MAGT1: variants seen among roughly 807,000 people sequenced by gnomAD.
MAGT1 encodes dolichyl-diphosphooligosaccharide--protein glycosyltransferase subunit MAGT1.
In MAGT1, 4 loss-of-function variants were observed where a neutral mutation model predicts 28.4. That is an observed-to-expected ratio of 0.14 (90% confidence interval 0.07 to 0.32). The LOEUF (loss-of-function observed/expected upper bound fraction) is 0.32. Among genes scored for constraint, MAGT1 ranks in the 10% least tolerant of loss-of-function variants. The pLI, the probability that MAGT1 is intolerant of heterozygous loss-of-function variation, is 1.00. For missense variants in MAGT1, 193 were observed against 264.5 expected (o/e 0.73, Z 1.88); for synonymous variants, 89 against 89.7 (o/e 0.99, Z 0.04).
chrX:77,838,253 C>A (rs930301344), intron 8 of MAGT1, among the ~76,000 whole-genome samples: 1 of 109,256 alleles, frequency 9.2e-6, no homozygotes, highest in African/African-American at 3.3e-5. Flanking sequence ...ACAGGAGATA[C>A]AGACCAACCT....
At chrX:77,855,334 AAAG>A (rs1313455579) in intron 6 of MAGT1, among the ~76,000 whole-genome samples, 164 bp downstream of exon 6, 2 of 111,756 alleles carry the variant, frequency 1.8e-5, no homozygotes, top group African/African-American at 6.5e-5. Context: ...AGAAAAAAAA[AAAG>A]AGCACTGCAT....
intron 1 of MAGT1, among the ~76,000 whole-genome samples, chrX:77,878,979 G>C (rs1380891813): frequency 9.0e-6 from 1 of 111,101 alleles, no homozygotes; most frequent in Non-Finnish European, 1.9e-5. Flanking sequence ...AGAGAAGCAT[G>C]GTTAGTCGAC....
At chrX:77,862,482 C>CA (rs1557216535) in intron 3 of MAGT1, among the ~76,000 whole-genome samples, 1 of 109,524 alleles carries the variant, frequency 9.1e-6, no homozygotes, top group African/African-American at 3.3e-5. Flanking sequence ...CCAGAATATA[C>CA]AAAAAATTCA....
chrX:77,895,414 C>T lies in MAGT1; in HGVS notation c.-4G>A, dbSNP rs782787445. 8.3e-7 allele frequency: 1 copy of T among 1,210,836 alleles called. No homozygotes were observed. Among genetic ancestry groups the T allele is most frequent in the East Asian group, 3.0e-5 (1 of 33,817 alleles). Reference sequence around the variant, plus strand: ...AAAACCGCCAACGCGCTGCCATGTTCGCTCCTCTCCCTTCTATAAGTGAAA... The same window carrying T: ...AAAACCGCCAACGCGCTGCCATGTTTGCTCCTCTCCCTTCTATAAGTGAAA... On this transcript the variant is annotated 5_prime_UTR_variant, in exon 1 of 10. Transcript: ENST00000618282.
At chrX:77,857,535 G>A in intron 3 of MAGT1, 38 bp from the exon 4 acceptor site, 1 of 1,193,456 alleles carries the variant, frequency 8.4e-7, no homozygotes, top group Non-Finnish European at 1.1e-6. Flanking sequence ...ACATTATCAG[G>A]AAAATAATCT....
At chrX:77,878,486 G>GAAA (rs2077042411) in intron 1 of MAGT1, among the ~76,000 whole-genome samples, 1 of 65,816 alleles carries the variant, frequency 1.5e-5, no homozygotes, top group Non-Finnish European at 3.1e-5. Context: ...AAAAAAAAAA[G>GAAA]AAAAAAAGAA....
At position 77,856,804 on chromosome X, in the gene MAGT1, C is replaced by T; in HGVS notation, c.601G>A (p.Gly201Arg). The change falls in exon 5 of 10, where the codon GGA becomes AGA. Residue 201 changes from glycine to arginine, a missense_variant. Physicochemically the swap from Gly to Arg is moderately radical, Grantham distance 125 (BLOSUM62 -2). Coordinates refer to ENST00000618282, the MANE Select transcript of MAGT1 (RefSeq NM_001367916.1). Reference sequence around the variant, plus strand: ...TTACTTCTTCGAAGATACACAAGTCCACCAATAACAGCCAAAAGCAATCCC... The same window carrying T: ...TTACTTCTTCGAAGATACACAAGTCTACCAATAACAGCCAAAAGCAATCCC... Reference protein sequence around the residue: ...MLGLLLAVIGGLVYLRRSNME... With the variant: ...MLGLLLAVIGRLVYLRRSNME... 8.3e-7 allele frequency: 1 copy of T among 1,205,293 alleles called. No homozygotes were observed. Among genetic ancestry groups the T allele is most frequent in the Non-Finnish European group, 1.1e-6 (1 of 890,069 alleles).
chrX:77,871,328 A>T (rs782641723), intron 2 of MAGT1, among the ~76,000 whole-genome samples: 1 of 112,904 alleles, frequency 8.9e-6, no homozygotes, highest in African/African-American at 3.2e-5. Context: ...ATACAATATT[A>T]ATTCATTTTT....
At chrX:77,856,915 T>G in intron 4 of MAGT1, 42 bp from the exon 5 acceptor site, 1 of 1,105,006 alleles carries the variant, frequency 9.0e-7, no homozygotes, top group Non-Finnish European at 1.2e-6. Context: ...TATAAAATTT[T>G]TTTACTAATT....
chrX:77,892,017 G>C (rs1284426549), intron 1 of MAGT1, among the ~76,000 whole-genome samples: 1 of 108,105 alleles, frequency 9.3e-6, no homozygotes, highest in Non-Finnish European at 1.9e-5. Context: ...TCAGACTCCT[G>C]AGTAGCTGGG....
At chrX:77,874,506 G>A (rs1169818703) in intron 2 of MAGT1, among the ~76,000 whole-genome samples, 1 of 104,483 alleles carries the variant, frequency 9.6e-6, no homozygotes, top group Non-Finnish European at 2.0e-5. Flanking sequence ...TGAGGCAGAA[G>A]AATCACTTGA....
rs781848524 is a variant in MAGT1 at position 77,856,885 on chromosome X, G to C, written c.532-12C>G. The C allele has an allele frequency of 4.2e-4, 501 of 1,189,459 alleles. 1 individual carries two copies. Among genetic ancestry groups the C allele is most frequent in the Non-Finnish European group, 5.5e-4 (481 of 880,537 alleles). On this transcript the variant is annotated splice_polypyrimidine_tract_variant and intron_variant, in intron 4 of 9. Transcript: ENST00000618282. ...CTAATCACTCTAATCTAATGGAAAG[G>C]AGAGAAAAACATGTTAAAGTATAAA...
chrX:77,836,823 G>A (rs1557213959), intron 8 of MAGT1, among the ~76,000 whole-genome samples: 2 of 111,124 alleles, frequency 1.8e-5, no homozygotes, highest in East Asian at 2.8e-4. Context: ...CTGAGCCAGG[G>A]AGGTCAAGGC....
chrX:77,850,483 AAG>A (rs1569547966), intron 7 of MAGT1, among the ~76,000 whole-genome samples: 7 of 21,437 alleles, frequency 3.3e-4, no homozygotes, highest in South Asian at 9.9e-3. Flanking sequence ...TCAAAAAAAA[AAG>A]GGGGGGGGGG....
At chrX:77,849,895 CA>C (rs1247445316) in intron 7 of MAGT1, among the ~76,000 whole-genome samples, 1,402 of 50,775 alleles carry the variant, frequency 0.028, 13 homozygotes, top group African/African-American at 0.048. Flanking sequence ...AACAAAAAAC[CA>C]AAAAAAAAAA....
chrX:77,830,749 C>G lies in MAGT1; in HGVS notation c.992+56G>C, dbSNP rs1603358559. The G allele has an allele frequency of 6.1e-6, 4 of 653,807 alleles. No individual in the cohort carries two copies. In the East Asian group the frequency reaches 1.5e-4, roughly 25 times the overall value. The allele number at this position is 653,807 out of a possible 1,213,427, so 53.9% of individuals were successfully genotyped here. A position where few individuals can be genotyped will look rare whatever the true frequency, so the allele number is the denominator to read the frequency against. On this transcript the variant is annotated intron_variant, in intron 9 of 9. Coordinates refer to ENST00000618282, the MANE Select transcript of MAGT1 (RefSeq NM_001367916.1). Reference sequence around the variant, plus strand: ...GAAGGATATTATAAAGCAATATCAACTCTAATCATTCCAGGTATTGGTAAT... The same window carrying G: ...GAAGGATATTATAAAGCAATATCAAGTCTAATCATTCCAGGTATTGGTAAT...
rs1557217731 is a variant in MAGT1, at chrX:77,875,632, C to G, written c.103-35G>C. On this transcript the variant is annotated intron_variant, in intron 1 of 9. Coordinates refer to ENST00000618282, the MANE Select transcript of MAGT1 (RefSeq NM_001367916.1). ...ACAAAGTGAGCATGCTATTAATATACTCAACTTGGCATTTAAAGTTCTTTT... is the reference window on the plus strand; with the variant it reads ...ACAAAGTGAGCATGCTATTAATATAGTCAACTTGGCATTTAAAGTTCTTTT... The G allele has an allele frequency of 2.6e-6, 3 of 1,159,109 alleles. No individual in the cohort carries two copies. The African/African-American group carries it at 5.4e-5, about 21-fold the overall frequency.
intron 3 of MAGT1, among the ~76,000 whole-genome samples, chrX:77,865,649 G>A (rs1227072404): frequency 9.0e-6 from 1 of 111,575 alleles, no homozygotes; most frequent in Non-Finnish European, 1.9e-5. Flanking sequence ...TCTACTGTAA[G>A]ACAAAATGTG....
intron 7 of MAGT1, among the ~76,000 whole-genome samples, chrX:77,853,055 T>A (rs1159060567): frequency 8.9e-6 from 1 of 112,217 alleles, no homozygotes; most frequent in Non-Finnish European, 1.9e-5. Flanking sequence ...TTCTTACTTA[T>A]CTGACATCGC....
Sources: gnomAD v4.1 joint callset for allele counts (sites outside exome capture counted in the v4.1 genomes callset) on GRCh38, gnomAD v4.1.1 for gene constraint, MANE v1.5 for transcripts, NCBI Gene and HGNC (gene_info 2026-07-23, HGNC 2026-07-21) for gene names.